CEP350: variants seen among roughly 807,000 people sequenced by gnomAD.
CEP350 encodes the protein centrosome-associated protein 350.
In CEP350, 126 loss-of-function variants were observed where a neutral mutation model predicts 331.8. The observed-to-expected ratio is 0.38, with a 90% CI of 0.33 to 0.44. CEP350 has a LOEUF of 0.44. CEP350 is among the 20% of genes least tolerant of loss of function. The pLI, the probability that CEP350 is intolerant of heterozygous loss-of-function variation, is 1.00. For synonymous variants in CEP350, 1,200 were observed against 1,259.5 expected (o/e 0.95, Z 1.00); for missense variants, 3,406 against 3,634.6 (o/e 0.94, Z 1.62).
At chr1:180,090,556 A>AAAAAAAAAAAAAAAG (rs1558152358) in intron 32 of CEP350, among the ~76,000 whole-genome samples, 158 bp from the exon 33 acceptor site, 14 of 75,670 alleles carry the variant, frequency 1.9e-4, no homozygotes, top group South Asian at 1.7e-3. Flanking sequence ...AAAAAAAAAA[A>AAAAAAAAAAAAAAAG]AAAAAAAAAA....
chr1:180,031,213 T>C, intron 14 of CEP350, 107 bp from the exon 15 acceptor site: 1 of 607,988 alleles, frequency 1.6e-6, no homozygotes, highest in Non-Finnish European at 2.7e-6. Context: ...AAATTTTAAA[T>C]ATTCTGATTT....
chr1:180,029,542 A>G (rs994529683), intron 14 of CEP350, among the ~76,000 whole-genome samples: 2 of 152,162 alleles, frequency 1.3e-5, no homozygotes, highest in African/African-American at 4.8e-5. Flanking sequence ...ACTGTTGTAC[A>G]ATCATCCCCA....
chr1:180,101,529 T>C (rs1660811658), intron 37 of CEP350, among the ~76,000 whole-genome samples: 1 of 152,208 alleles, frequency 6.6e-6, no homozygotes, highest in South Asian at 2.1e-4. Context: ...AGAAAACTTC[T>C]GTGACCATAT....
At position 180,020,289 on chromosome 1, in the gene CEP350, A is replaced by T; in HGVS notation, c.2515A>T (p.Ile839Phe). ...KATAASLSSR[I>F]ESEAKKLAGA... ...AACAGCTGCTTCTTTGTCCAGCAGAATTGAAAGTGAAGCCAAGAAATTAGC... is the reference window on the plus strand; with the variant it reads ...AACAGCTGCTTCTTTGTCCAGCAGATTTGAAAGTGAAGCCAAGAAATTAGC... Residue 839 changes from isoleucine (I) to phenylalanine (F), a missense_variant, in exon 12 of 38, where the codon ATT (isoleucine) becomes TTT (phenylalanine). This residue lies in a region of CEP350 where 1,857 missense variants were observed against 1,909.2 expected (regional missense o/e 0.97). Coordinates refer to ENST00000367607, the MANE Select transcript of CEP350 (RefSeq NM_014810.5). The T allele has an allele frequency of 6.2e-7, 1 of 1,614,030 alleles. No individual in the cohort carries two copies. Among genetic ancestry groups the T allele is most frequent in the Non-Finnish European group, 8.5e-7 (1 of 1,179,894 alleles).
chr1:179,989,868 T>C (rs571819524), intron 3 of CEP350, among the ~76,000 whole-genome samples: 3 of 152,282 alleles, frequency 2.0e-5, no homozygotes, highest in East Asian at 3.9e-4. Context: ...GCACAGGATA[T>C]ATTGCATAAT....
At chr1:180,001,036 A>G (rs1571846535) in intron 6 of CEP350, among the ~76,000 whole-genome samples, 1 of 152,066 alleles carries the variant, frequency 6.6e-6, no homozygotes, top group African/African-American at 2.4e-5. Context: ...TTACCAGTAT[A>G]TTTTCTCTTA....
chr1:180,018,842 G>C (rs1430772716), intron 11 of CEP350, among the ~76,000 whole-genome samples: 1 of 145,120 alleles, frequency 6.9e-6, no homozygotes, highest in East Asian at 2.0e-4. Context: ...CCTCATGTTC[G>C]TCTTCTCTTT....
intron 37 of CEP350, among the ~76,000 whole-genome samples, chr1:180,109,153 C>T (rs1172790345): frequency 2.1e-5 from 3 of 144,230 alleles, no homozygotes; most frequent in African/African-American, 7.6e-5. Flanking sequence ...TGGAGTCACT[C>T]TGTCGCCTAG....
intron 27 of CEP350, among the ~76,000 whole-genome samples, chr1:180,066,669 T>C (rs12041204): frequency 1.3e-5 from 2 of 152,326 alleles, no homozygotes; most frequent in East Asian, 1.9e-4. Context: ...TTGACAAATA[T>C]ATGAATGAAT....
intron 27 of CEP350, among the ~76,000 whole-genome samples, chr1:180,073,623 T>C (rs565295123): frequency 6.6e-6 from 1 of 152,336 alleles, no homozygotes; most frequent in African/African-American, 2.4e-5. Context: ...AAATACACTT[T>C]TAAAAATGTC....
Position 180,087,608 on chromosome 1 carries a change from G to A in CEP350, c.6316G>A (p.Ala2106Thr). 6.5e-7 allele frequency: 1 copy of A among 1,545,632 alleles called. No homozygotes were observed. The highest frequency in any genetic ancestry group is 8.7e-7 in the Non-Finnish European group (1 of 1,142,928). ...SYDEFIKKTE[A>T]ELSQDLETSP... ...TGATGAATTTATTAAGAAAACTGAA[G>A]CCGAGCTTAGCCAAGATTTGGAAAC... Residue 2106 changes from alanine (A) to threonine (T), a missense_variant, in exon 32 of 38, where the codon GCC (alanine) becomes ACC (threonine). Ala to Thr is a moderately conservative substitution (Grantham distance 58, BLOSUM62 0). This residue lies in a region of CEP350 where 1,415 missense variants were observed against 1,512.3 expected (regional missense o/e 0.94). Transcript: ENST00000367607.
intron 6 of CEP350, 46 bp from the exon 7 acceptor site, chr1:180,003,128 T>G (rs1009212954): frequency 7.8e-7 from 1 of 1,278,116 alleles, no homozygotes; most frequent in African/African-American, 1.5e-5. Flanking sequence ...ACAAAACTTA[T>G]AAAGCAACTT....
intron 19 of CEP350, among the ~76,000 whole-genome samples, chr1:180,042,721 T>C (rs1166431940): frequency 1.3e-5 from 2 of 152,230 alleles, no homozygotes; most frequent in Non-Finnish European, 2.9e-5. Flanking sequence ...AGCAAAGAGT[T>C]AGAAAAGAAG....
chr1:180,063,937 A>G (rs1407200102), intron 26 of CEP350, among the ~76,000 whole-genome samples: 1 of 152,226 alleles, frequency 6.6e-6, no homozygotes, highest in Non-Finnish European at 1.5e-5. Context: ...TCAAACTTAC[A>G]GAAAAATGTC....
rs1660358682 is a variant in CEP350, at chr1:180,094,290, C to G, written c.8185C>G (p.Gln2729Glu). ...LLDLLTREKN[Q>E]LEAQLKSSLN... The stretch of plus-strand genomic sequence containing the variant: ...GGATCTTTTAACAAGAGAAAAAAAC[C>G]AACTGGAAGCCCAGCTGAAGTCATC... The change falls in exon 34 of 38, where the codon CAA becomes GAA. Residue 2729 changes from glutamine (Q) to glutamate (E), a missense_variant. Transcript: ENST00000367607. 1.2e-6 allele frequency: 2 copies of G among 1,613,510 alleles called. No homozygotes were observed. The highest frequency in any genetic ancestry group is 1.7e-6 in the Non-Finnish European group (2 of 1,179,774).
At chr1:180,042,115 A>G (rs1411162854) in intron 19 of CEP350, among the ~76,000 whole-genome samples, 3 of 139,130 alleles carry the variant, frequency 2.2e-5, no homozygotes, top group Admixed American at 7.9e-5. Flanking sequence ...TAAGTATGCA[A>G]TTTGGTGAGT....
intron 15 of CEP350, among the ~76,000 whole-genome samples, chr1:180,033,088 A>G (rs1656123169): frequency 6.6e-6 from 1 of 152,142 alleles, no homozygotes; most frequent in South Asian, 2.1e-4. Context: ...TATATTGGCA[A>G]TATAACTGTG....
intron 16 of CEP350, among the ~76,000 whole-genome samples, chr1:180,036,155 A>T: frequency 6.6e-6 from 1 of 152,214 alleles, no homozygotes; most frequent in Admixed American, 6.5e-5. Flanking sequence ...TGGATCCTGA[A>T]GATGTTACTG....
At chr1:180,052,764 C>T (rs1657594253) in intron 22 of CEP350, among the ~76,000 whole-genome samples, 1 of 151,942 alleles carries the variant, frequency 6.6e-6, no homozygotes, top group African/African-American at 2.4e-5. Flanking sequence ...CTTTATATGT[C>T]TTAACCTAAT....
Sources: allele counts gnomAD v4.1 joint callset (sites outside exome capture counted in the v4.1 genomes callset), GRCh38; gene constraint gnomAD v4.1.1; regional missense constraint gnomAD v4.1.1; transcripts MANE v1.5; gene names NCBI Gene and HGNC (gene_info 2026-07-23, HGNC 2026-07-21).